EP400: variants seen among roughly 807,000 people sequenced by gnomAD.
EP400 encodes the protein E1A-binding protein p400.
Under a neutral mutation model 354.1 loss-of-function variants are expected in EP400, and 105 were observed. The ratio of observed to expected loss-of-function variants is 0.30; its 90% CI spans 0.25 to 0.35. The LOEUF is 0.35. Ranked by LOEUF, EP400 falls within the 10% of genes least tolerant of loss-of-function variation. The pLI is 1.00. For synonymous variants in EP400, 1,646 were observed against 1,716.9 expected, an observed-to-expected ratio of 0.96 and a Z score of 1.02; for missense variants, 3,280 against 4,121.0, an observed-to-expected ratio of 0.80 and a Z score of 5.59.
At chr12:132,023,062 T>C (rs1234900161) in intron 23 of EP400, among the ~76,000 whole-genome samples, 2 of 152,270 alleles carry the variant, frequency 1.3e-5, no homozygotes, top group East Asian at 1.9e-4. Context: ...CAGGTACTTT[T>C]CACATTTTTA....
chr12:132,043,065 G>A (rs1894967769), intron 32 of EP400, among the ~76,000 whole-genome samples: 1 of 152,214 alleles, frequency 6.6e-6, no homozygotes, highest in South Asian at 2.1e-4. Context: ...GGGCCTGCCT[G>A]TCCAACTCGA....
chr12:132,029,747 C>G lies in EP400; in HGVS notation c.5428C>G (p.Arg1810Gly). 6.2e-7 allele frequency: 1 copy of G among 1,613,288 alleles called. No homozygotes were observed. The highest frequency in any genetic ancestry group is 8.5e-7 in the Non-Finnish European group (1 of 1,180,020). Residue 1810 changes from arginine to glycine, a missense_variant, in exon 28 of 53, where the codon CGG (arginine) becomes GGG (glycine). Physicochemically the swap from Arg to Gly is moderately radical, Grantham distance 125 (BLOSUM62 -2). Around this residue, in one of 20 missense-constraint regions of EP400, gnomAD observed 459 missense variants for 496.9 expected, o/e 0.92. Coordinates refer to ENST00000389561, the MANE Select transcript of EP400 (RefSeq NM_015409.5). The surrounding 1 kb of genome is among the most constrained non-coding windows in gnomAD (Gnocchi z 4.7). ...PPVVAAPPSL[R>G]VPRPPPLYSH... ...GGTGGTGGCAGCACCCCCGTCCCTA[C>G]GGGTGCCGCGGCCGCCACCCCTGTA...
At chr12:131,956,811 C>T (rs902033677) in intron 1 of EP400, among the ~76,000 whole-genome samples, 8 of 150,038 alleles carry the variant, frequency 5.3e-5, no homozygotes, top group African/African-American at 2.0e-4. Context: ...CAAGGTTGGT[C>T]ATTTTCCTCT....
intron 1 of EP400, among the ~76,000 whole-genome samples, chr12:131,950,711 T>A (rs1470352577): frequency 6.6e-6 from 1 of 152,198 alleles, no homozygotes; most frequent in Non-Finnish European, 1.5e-5. Context: ...TCTGCTCAGC[T>A]GTCGCTGTGT....
At chr12:132,036,390 A>C (rs1181729046) in intron 30 of EP400, among the ~76,000 whole-genome samples, 1 of 150,914 alleles carries the variant, frequency 6.6e-6, no homozygotes, top group Non-Finnish European at 1.5e-5. Context: ...ACCCGGGTTC[A>C]CACGGAGCAT....
intron 23 of EP400, 24 bp from the exon 24 acceptor site, chr12:132,023,753 A>C (rs1265817290): frequency 6.2e-7 from 1 of 1,608,832 alleles, no homozygotes; most frequent in Non-Finnish European, 8.5e-7. Flanking sequence ...ATCTGAATTC[A>C]CCTTTTCCTC....
rs1276704923 is a variant in EP400 at position 132,013,694 on chromosome 12, T to C, written c.3786+30T>C. On this transcript the variant is annotated intron_variant, in intron 18 of 52. Transcript: ENST00000389561. The surrounding 1 kb of genome is among the most constrained non-coding windows in gnomAD (Gnocchi z 4.5). ...GTTGGGTTCTGCCATTTCAGTTAAT[T>C]AATTAAACATGCGTATGCCTTGTTA... 1 of 1,604,354 alleles carries C rather than the reference T, an allele frequency of 6.2e-7. No individual in the cohort carries two copies. The highest frequency in any genetic ancestry group is 1.1e-5 in the South Asian group (1 of 90,078).
chr12:132,018,328 C>T lies in EP400; in HGVS notation c.4229C>T (p.Ser1410Leu), dbSNP rs1894013659. ...PRKLMEEIST[S>L]AAPAARPAAA... is the part of the protein sequence containing the mutation. Reference sequence around the variant, plus strand: ...AAACTCATGGAGGAAATCTCCACTTCAGCAGCCCCAGCAGCCCGACCAGCA... The same window carrying T: ...AAACTCATGGAGGAAATCTCCACTTTAGCAGCCCCAGCAGCCCGACCAGCA... Residue 1410 changes from serine (S) to leucine (L), a missense_variant, in exon 21 of 53, where the codon TCA (serine) becomes TTA (leucine). This residue lies in a region of EP400 where 342 missense variants were observed against 342.7 expected (regional missense o/e 1.00). Coordinates refer to ENST00000389561, the MANE Select transcript of EP400 (RefSeq NM_015409.5). This position sits in a 1 kb window ranked among gnomAD's most constrained non-coding sequence, Gnocchi z 4.0. The T allele has an allele frequency of 1.9e-6, 3 of 1,611,430 alleles. No individual in the cohort carries two copies. Among genetic ancestry groups the T allele is most frequent in the African/African-American group, 1.3e-5 (1 of 74,688 alleles).
chr12:132,015,988 A>G (rs1319587714), intron 19 of EP400, among the ~76,000 whole-genome samples: 1 of 152,160 alleles, frequency 6.6e-6, no homozygotes, highest in Non-Finnish European at 1.5e-5. Context: ...CTACCTGCCC[A>G]GACCCCCCTG....
At position 132,037,617 on chromosome 12, in the gene EP400, G is replaced by T. The variant is rs1340948496; in HGVS notation, c.5952-65G>T. The T allele has an allele frequency of 3.9e-6, 5 of 1,285,256 alleles. No homozygotes were observed. In the African/African-American group the frequency reaches 5.8e-5, roughly 15 times the overall value. The allele number at this position is 1,285,256 out of a possible 1,614,324, so 79.6% of individuals were successfully genotyped here. ...ATTCGTTGATCACCATCTGCATGCT[G>T]TGCCCACCTGTTGTCACTGTGTTTC... On this transcript the variant is annotated intron_variant, in intron 30 of 52. Coordinates refer to ENST00000389561, the MANE Select transcript of EP400 (RefSeq NM_015409.5).
At position 132,052,821 on chromosome 12, in the gene EP400, C is replaced by T. The variant is rs1356967452; in HGVS notation, c.7395-325C>T. ...AGGGCATCCTCACAGAAGGAACAGACAGAGATTTTCCCAAGTACAGTGCAG... is the reference window on the plus strand; with the variant it reads ...AGGGCATCCTCACAGAAGGAACAGATAGAGATTTTCCCAAGTACAGTGCAG... On this transcript the variant is annotated intron_variant, in intron 41 of 52. Transcript: ENST00000389561. The surrounding 1 kb of genome is among the most constrained non-coding windows in gnomAD (Gnocchi z 4.4). Among the ~76,000 whole-genome samples, 1 of 152,166 alleles carries T rather than the reference C, an allele frequency of 6.6e-6. No homozygotes were observed.
At position 132,067,784 on chromosome 12, in the gene EP400, CAG is replaced by C. The variant is rs765157253; in HGVS notation, c.8874+299_8874+300del. On this transcript the variant is annotated intron_variant, in intron 50 of 52. Coordinates refer to ENST00000389561, the MANE Select transcript of EP400 (RefSeq NM_015409.5). The surrounding 1 kb of genome is among the most constrained non-coding windows in gnomAD (Gnocchi z 5.3). ...AGCCTGCATGGCATTGGGACAGACA[CAG>C]GGGGTGCAATTGCATGATGGGGGCC... is the stretch of plus-strand genomic sequence containing the variant. Among the ~76,000 whole-genome samples, 5 of 148,286 alleles carry C rather than the reference CAG, an allele frequency of 3.4e-5. No individual in the cohort carries two copies. Among genetic ancestry groups the C allele is most frequent in the East Asian group, 2.0e-4 (1 of 5,062 alleles).
At chr12:132,030,707 A>T (rs907859786) in intron 29 of EP400, among the ~76,000 whole-genome samples, 3 of 152,236 alleles carry the variant, frequency 2.0e-5, no homozygotes. Context: ...CAAACACACC[A>T]CTTAAGATCT....
chr12:132,055,269 GTCTGTTAATTC>G, intron 45 of EP400, 61 bp downstream of exon 45: 1 of 1,318,664 alleles, frequency 7.6e-7, no homozygotes, highest in Non-Finnish European at 1.0e-6. Context: ...TTATTTGCTT[GTCTGTTAATTC>G]TTCTTCTTCT....
chr12:131,978,790 G>C (rs935134903), intron 2 of EP400, among the ~76,000 whole-genome samples: 1 of 152,078 alleles, frequency 6.6e-6, no homozygotes, highest in Non-Finnish European at 1.5e-5. Context: ...TGGGATTAAG[G>C]CATAAGCCAC....
At chr12:132,069,302 T>C (rs1895998169) in intron 50 of EP400, 193 bp from the exon 51 acceptor site, 1 of 716,080 alleles carries the variant, frequency 1.4e-6, no homozygotes, top group Non-Finnish European at 2.1e-6. Context: ...CCATGCCGCA[T>C]GGGCAGAGGT....
chr12:131,967,544 G>A (rs531054995), intron 2 of EP400, among the ~76,000 whole-genome samples: 2 of 151,598 alleles, frequency 1.3e-5, no homozygotes, highest in South Asian at 4.2e-4. Flanking sequence ...AAAAAAATTA[G>A]CCAGGCGTAG....
At chr12:131,979,831 C>G in intron 3 of EP400, 38 bp downstream of exon 3, 1 of 1,537,676 alleles carries the variant, frequency 6.5e-7, no homozygotes, top group South Asian at 1.2e-5. Flanking sequence ...GGGAATGCCC[C>G]CCTCTCCTTG....
At chr12:131,954,027 C>T (rs914331216) in intron 1 of EP400, among the ~76,000 whole-genome samples, 3 of 151,910 alleles carry the variant, frequency 2.0e-5, no homozygotes, top group East Asian at 3.9e-4. Context: ...GCATGAGAAT[C>T]GCTTGAGCCC....
Sources: gnomAD v4.1 joint callset for allele counts (sites outside exome capture counted in the v4.1 genomes callset) on GRCh38, gnomAD v4.1.1 for gene constraint, gnomAD v4.1.1 regional missense constraint, Gnocchi (gnomAD v3.1) non-coding constraint, MANE v1.5 for transcripts, NCBI Gene and HGNC (gene_info 2026-07-23, HGNC 2026-07-21) for gene names.